The following ASCC1 variants were observed in gnomAD, a reference collection of about 807,000 sequenced individuals.
The protein encoded by ASCC1 is activating signal cointegrator 1 complex subunit 1, also known as ASC-1 complex subunit P50.
In ASCC1, 35 loss-of-function variants were observed where a neutral mutation model predicts 46.6. The observed-to-expected ratio is 0.75, with a 90% CI of 0.57 to 0.99. ASCC1 has a LOEUF of 0.99. ASCC1 is among the 50% of genes least tolerant of loss of function. The pLI is 0.00. For missense variants in ASCC1, 376 were observed against 428.7 expected, an observed-to-expected ratio of 0.88 and a Z score of 1.09; for synonymous variants, 143 against 146.6, an observed-to-expected ratio of 0.98 and a Z score of 0.18.
intron 4 of ASCC1, among the ~76,000 whole-genome samples, chr10:72,197,467 CAAAAAAAA>C (rs59460393): frequency 1.4e-4 from 7 of 51,376 alleles, no homozygotes; most frequent in Non-Finnish European, 2.1e-4. Flanking sequence ...GACTCTATCT[CAAAAAAAA>C]AAAAAAAAAA....
At chr10:72,129,714 GAGA>G (rs1403394534) in intron 8 of ASCC1, among the ~76,000 whole-genome samples, 4 of 151,982 alleles carry the variant, frequency 2.6e-5, no homozygotes, top group South Asian at 2.1e-4. Flanking sequence ...GCTGAGGCAA[GAGA>G]ATCACCTGAA....
intron 3 of ASCC1, among the ~76,000 whole-genome samples, chr10:72,206,718 A>G (rs1857271865): frequency 6.6e-6 from 1 of 152,184 alleles, no homozygotes; most frequent in Non-Finnish European, 1.5e-5. Flanking sequence ...TCATTCCTTT[A>G]TCTATGAGGA....
intron 6 of ASCC1, among the ~76,000 whole-genome samples, chr10:72,155,685 C>A (rs16929705): frequency 6.6e-6 from 1 of 152,108 alleles, no homozygotes; most frequent in African/African-American, 2.4e-5. Context: ...AAAATTAACA[C>A]GTATTACCTT....
intron 5 of ASCC1, chr10:72,190,272 G>A (rs1854219956): frequency 2.6e-6 from 2 of 784,164 alleles, no homozygotes; most frequent in African/African-American, 3.4e-5. Context: ...TGTCACTGTG[G>A]AGTTCTGAGA....
chr10:72,111,280 G>A (rs1386976178), intron 9 of ASCC1, among the ~76,000 whole-genome samples: 15 of 152,116 alleles, frequency 9.9e-5, no homozygotes, highest in Non-Finnish European at 4.4e-5. Context: ...TTGAGCCCAG[G>A]AGTTCAAGAC....
At chr10:72,191,518 T>TA (rs1009333029) in intron 5 of ASCC1, among the ~76,000 whole-genome samples, 9 of 151,796 alleles carry the variant, frequency 5.9e-5, no homozygotes, top group Non-Finnish European at 1.2e-4. Flanking sequence ...CATACATATG[T>TA]AAAAAAATGA....
intron 3 of ASCC1, chr10:72,204,392 A>G: frequency 6.5e-7 from 1 of 1,550,250 alleles, no homozygotes; most frequent in Non-Finnish European, 8.7e-7. Flanking sequence ...TCCCACTTAA[A>G]TCACTTATTG....
intron 5 of ASCC1, among the ~76,000 whole-genome samples, chr10:72,192,698 T>C (rs929020683): frequency 1.3e-5 from 2 of 152,148 alleles, no homozygotes; most frequent in Non-Finnish European, 2.9e-5. Context: ...TTCACCCTGT[T>C]GGCAAGGCTC....
At chr10:72,151,573 A>C (rs967420399) in intron 7 of ASCC1, among the ~76,000 whole-genome samples, 1 of 152,178 alleles carries the variant, frequency 6.6e-6, no homozygotes, top group Non-Finnish European at 1.5e-5. Context: ...GTGCACATGT[A>C]CCCTAGAACT....
chr10:72,174,998 C>T (rs1323524680), intron 5 of ASCC1, among the ~76,000 whole-genome samples: 1 of 152,184 alleles, frequency 6.6e-6, no homozygotes, highest in African/African-American at 2.4e-5. Flanking sequence ...TGCATGCTTC[C>T]CCTATACTCG....
At chr10:72,212,901 A>G (rs1023378142) in intron 2 of ASCC1, among the ~76,000 whole-genome samples, 1 of 152,118 alleles carries the variant, frequency 6.6e-6, no homozygotes, top group Non-Finnish European at 1.5e-5. Context: ...ACGGAACTTA[A>G]TTTTGTCATA....
At chr10:72,128,896 G>C (rs1845216185) in intron 8 of ASCC1, among the ~76,000 whole-genome samples, 1 of 152,128 alleles carries the variant, frequency 6.6e-6, no homozygotes, top group South Asian at 2.1e-4. Flanking sequence ...ATACAGGAGA[G>C]TCCAGAGTAC....
chr10:72,208,902 A>G (rs1857622649), intron 3 of ASCC1, among the ~76,000 whole-genome samples: 1 of 151,930 alleles, frequency 6.6e-6, no homozygotes, highest in Non-Finnish European at 1.5e-5. Flanking sequence ...TATTTAACAC[A>G]CTTGTAATGC....
intron 3 of ASCC1, among the ~76,000 whole-genome samples, chr10:72,206,040 G>T (rs1332280792): frequency 3.3e-5 from 5 of 150,634 alleles, no homozygotes; most frequent in Non-Finnish European, 5.9e-5. Context: ...GGAGGCAGAG[G>T]TTGCAGTGAG....
chr10:72,123,237 G>A lies in ASCC1; in HGVS notation c.957+4845C>T, dbSNP rs1049789962. Among the ~76,000 whole-genome samples the A allele has an allele frequency of 5.3e-5, 8 of 151,886 alleles. No individual in the cohort carries two copies. In the South Asian group the frequency reaches 1.0e-3, roughly 20 times the overall value. On this transcript the variant is annotated intron_variant, in intron 9 of 9. Coordinates refer to ENST00000672957, the MANE Select transcript of ASCC1 (RefSeq NM_001198800.3). Reference sequence around the variant, plus strand: ...GCCTGTAGTCCCAGCTGCTGGGGAGGCTGAGGCAGGAGAATGGCATGAACC... The same window carrying A: ...GCCTGTAGTCCCAGCTGCTGGGGAGACTGAGGCAGGAGAATGGCATGAACC...
chr10:72,182,434 T>C (rs1322200533), intron 5 of ASCC1, among the ~76,000 whole-genome samples: 1 of 152,066 alleles, frequency 6.6e-6, no homozygotes, highest in Non-Finnish European at 1.5e-5. Context: ...CTGGTTGCTG[T>C]CTCACCTGAC....
In ASCC1 at chr10:72,206,796, TTAAA is replaced by T. The variant is rs1316009414; in HGVS notation, c.213-3276_213-3273del. On this transcript the variant is annotated intron_variant, in intron 3 of 9. Transcript: ENST00000672957. ...GAGGATTGAGGCCCTTTGTTTTGGA[TTAAA>T]TAAAGGTTGCCAGGTGATGGCTGCT... Among the ~76,000 whole-genome samples the T allele has an allele frequency of 7.2e-5, 11 of 152,204 alleles. No individual in the cohort carries two copies. The East Asian group carries it at 2.1e-3, about 29-fold the overall frequency.
intron 1 of ASCC1, among the ~76,000 whole-genome samples, chr10:72,215,603 A>T (rs1344983526): frequency 1.3e-5 from 2 of 152,088 alleles, no homozygotes; most frequent in African/African-American, 4.8e-5. Flanking sequence ...TCAAAGGAAA[A>T]GCTTAAAAAA....
At chr10:72,150,477 T>C (rs1848198012) in intron 7 of ASCC1, among the ~76,000 whole-genome samples, 2 of 152,142 alleles carry the variant, frequency 1.3e-5, no homozygotes, top group Admixed American at 1.3e-4. Context: ...CAAAAACAAA[T>C]TTCCAGTGCA....
Sources: allele counts gnomAD v4.1 joint callset (sites outside exome capture counted in the v4.1 genomes callset), GRCh38; gene constraint gnomAD v4.1.1; transcripts MANE v1.5; gene names NCBI Gene and HGNC (gene_info 2026-07-23, HGNC 2026-07-21).